The following NBPF15 variants were observed in gnomAD, a reference collection of about 807,000 sequenced individuals.
NBPF15 encodes NBPF family member NBPF15.
NBPF15 carries 74 observed loss-of-function variants against 62.2 expected under a neutral mutation model. The ratio of observed to expected loss-of-function variants is 1.19; its 90% CI spans 0.99 to 1.44. The LOEUF (loss-of-function observed/expected upper bound fraction) is 1.44. Ranked by LOEUF, NBPF15 falls within the 40% of genes most tolerant of loss-of-function variation. NBPF15 has a pLI of 0.00. For missense variants in NBPF15, 790 were observed against 550.0 expected, an observed-to-expected ratio of 1.44 and a Z score of -4.36; for synonymous variants, 244 against 209.7, an observed-to-expected ratio of 1.16 and a Z score of -1.41.
chr1:144,427,937 A>T lies in NBPF15; in HGVS notation c.1094T>A (p.Leu365Gln), dbSNP rs201482101. Residue 365 changes from leucine (L) to glutamine (Q), a missense_variant, in exon 16 of 22, where the codon CTG becomes CAG. Leu to Gln is a moderately radical substitution (Grantham distance 113). Coordinates refer to ENST00000581897, the MANE Select transcript of NBPF15 (RefSeq NM_001385408.1). The stretch of plus-strand genomic sequence containing the variant: ...TGAAGGAGTTGAATAACATCTATCC[A>T]GTGAGTCCTGCAAGACTTCAGGCTC... ...EKEPEVLQDS[L>Q]DRCYSTPSGC... The T allele has an allele frequency of 5.9e-5, 45 of 769,176 alleles. No homozygotes were observed. The highest frequency in any genetic ancestry group is 5.7e-4 in the African/African-American group (33 of 58,238). The allele number at this position is 769,176 out of a possible 1,614,324, so 47.6% of individuals were successfully genotyped here.
In NBPF15 at chr1:144,452,089, T is replaced by C. The variant is rs587682055; in HGVS notation, c.-431-1219A>G. The stretch of plus-strand genomic sequence containing the variant: ...ATCACTTGAACTCAGGAGGTGGAGG[T>C]TGCAGTGAGCTGAGATGGCGCCGTT... On this transcript the variant is annotated intron_variant, in intron 4 of 21. Transcript: ENST00000581897. Among the ~76,000 whole-genome samples, 38 of 151,258 alleles carry C rather than the reference T, an allele frequency of 2.5e-4. 1 individual carries two copies. The highest frequency in any genetic ancestry group is 5.3e-4 in the Non-Finnish European group (36 of 67,840).
At chr1:144,459,249 G>C (rs1650578298) in intron 3 of NBPF15, 117 bp downstream of exon 3, 1 of 152,012 alleles carries the variant, frequency 6.6e-6, no homozygotes, top group African/African-American at 2.4e-5. Flanking sequence ...CCAACACTTT[G>C]GGAGGCCGAG....
At chr1:144,455,401 C>G (rs1255910430) in intron 4 of NBPF15, among the ~76,000 whole-genome samples, 2 of 152,050 alleles carry the variant, frequency 1.3e-5, no homozygotes. Flanking sequence ...TTATTGGAGA[C>G]AGATGCACTA....
At chr1:144,440,091 T>C in intron 7 of NBPF15, 50 bp downstream of exon 7, 1 of 1,578,196 alleles carries the variant, frequency 6.3e-7, no homozygotes, top group Non-Finnish European at 8.7e-7. Context: ...TGAAATCAAA[T>C]AGGTTTAATC....
At chr1:144,453,278 A>T (rs1398859566) in intron 4 of NBPF15, among the ~76,000 whole-genome samples, 1 of 151,564 alleles carries the variant, frequency 6.6e-6, no homozygotes, top group Non-Finnish European at 1.5e-5. Context: ...CAGCTGGACA[A>T]CCACATGCAA....
rs1669493235 is a variant in NBPF15, at chr1:144,426,187, C to A, written c.1438+91G>T. 1.3e-5 allele frequency: 8 copies of A among 639,644 alleles called. No individual in the cohort carries two copies. In the Admixed American group the frequency reaches 1.7e-4, roughly 14 times the overall value. The allele number at this position is 639,644 out of a possible 1,614,324, so 39.6% of individuals were successfully genotyped here. On this transcript the variant is annotated intron_variant, in intron 18 of 21. Transcript: ENST00000581897. ...GGTCCTGCCTGCGGCAATGACATCT[C>A]TCGGGTCAGTAAGGGCCACTTGGAA...
At position 144,438,003 on chromosome 1, in the gene NBPF15, C is replaced by T. The variant is rs782689500; in HGVS notation, c.220G>A (p.Glu74Lys). The change falls in exon 9 of 22, where the codon GAG (glutamate) becomes AAG (lysine). Residue 74 changes from glutamate to lysine, a missense_variant. Physicochemically the swap from Glu to Lys is moderately conservative, Grantham distance 56 (BLOSUM62 1). Coordinates refer to ENST00000581897, the MANE Select transcript of NBPF15 (RefSeq NM_001385408.1). ...AGCTTCTCCTCCTTGAACTGTCGCTCATTCCTCAGCATAAATTTTATGAGA... is the reference window on the plus strand; with the variant it reads ...AGCTTCTCCTCCTTGAACTGTCGCTTATTCCTCAGCATAAATTTTATGAGA... The part of the protein sequence containing the change: ...KDLIKFMLRN[E>K]RQFKEEKLAE... The T allele has an allele frequency of 3.8e-5, 62 of 1,611,574 alleles. No individual in the cohort carries two copies. In the African/African-American group the frequency reaches 7.1e-4, roughly 18 times the overall value.
intron 4 of NBPF15, among the ~76,000 whole-genome samples, chr1:144,453,896 G>A (rs1692812506): frequency 7.5e-6 from 1 of 133,698 alleles, no homozygotes; most frequent in Non-Finnish European, 1.6e-5. Flanking sequence ...CAGTCACTTT[G>A]GACAACTTAA....
intron 21 of NBPF15, among the ~76,000 whole-genome samples, chr1:144,423,467 C>T (rs1571101318): frequency 6.6e-6 from 1 of 151,228 alleles, no homozygotes; most frequent in Non-Finnish European, 1.5e-5. Flanking sequence ...GAGAGAGAGA[C>T]AGAGACAGAG....
chr1:144,455,939 C>A (rs1255797777), intron 4 of NBPF15, among the ~76,000 whole-genome samples: 5 of 152,028 alleles, frequency 3.3e-5, no homozygotes, highest in Admixed American at 6.6e-5. Flanking sequence ...TCCACTGTGG[C>A]CCATAAATTC....
intron 13 of NBPF15, among the ~76,000 whole-genome samples, chr1:144,432,409 G>A (rs1405064750): frequency 7.2e-5 from 11 of 152,046 alleles, no homozygotes; most frequent in South Asian, 2.1e-4. Context: ...ACTAACGGGC[G>A]AAATAACCAG....
At position 144,422,616 on chromosome 1, in the gene NBPF15, A is replaced by C. The variant is rs1666539097; in HGVS notation, c.*397T>G. ...CACTGAAGACACAAAGAATGAGGTT[A>C]GGTTCATTGAAACCAGGGTAACACC... On this transcript the variant is annotated 3_prime_UTR_variant, in exon 22 of 22. Transcript: ENST00000581897. 1 of 310,402 alleles carries C rather than the reference A, an allele frequency of 3.2e-6. No individual in the cohort carries two copies. The highest frequency in any genetic ancestry group is 5.2e-5 in the Admixed American group (1 of 19,282). 19.2% of individuals were successfully genotyped at this position (310,402 alleles called of 1,614,324 possible).
intron 6 of NBPF15, among the ~76,000 whole-genome samples, chr1:144,444,581 G>A (rs1443662597): frequency 6.6e-6 from 1 of 151,790 alleles, no homozygotes; most frequent in Non-Finnish European, 1.5e-5. Context: ...TCCAGAGGAA[G>A]GTCTTCAGGA....
chr1:144,441,084 T>C (rs1682595298), intron 6 of NBPF15, among the ~76,000 whole-genome samples: 2 of 152,048 alleles, frequency 1.3e-5, no homozygotes, highest in South Asian at 4.2e-4. Context: ...TATCACACAA[T>C]TTGATATCCA....
At chr1:144,453,840 G>C (rs1477936029) in intron 4 of NBPF15, among the ~76,000 whole-genome samples, 1 of 136,278 alleles carries the variant, frequency 7.3e-6, no homozygotes, top group African/African-American at 2.9e-5. Context: ...TGTCAAAGAT[G>C]AGGAACAACC....
At chr1:144,442,073 T>A (rs1205556177) in intron 6 of NBPF15, among the ~76,000 whole-genome samples, 1 of 135,826 alleles carries the variant, frequency 7.4e-6, no homozygotes, top group Non-Finnish European at 1.6e-5. Flanking sequence ...GACGAGTTAA[T>A]GGGTGCAGCA....
intron 9 of NBPF15, among the ~76,000 whole-genome samples, chr1:144,437,562 T>C (rs1388714450): frequency 5.9e-4 from 89 of 151,028 alleles, no homozygotes; most frequent in African/African-American, 2.0e-3. Context: ...GCAACATTGA[T>C]TGAGTGAAAG....
At chr1:144,432,480 G>A (rs1219635276) in intron 13 of NBPF15, among the ~76,000 whole-genome samples, 1 of 151,908 alleles carries the variant, frequency 6.6e-6, no homozygotes, top group African/African-American at 2.4e-5. Flanking sequence ...AATGTAAATG[G>A]GCTAAATGCC....
At chr1:144,431,017 G>C (rs1408572330) in intron 13 of NBPF15, among the ~76,000 whole-genome samples, 5 of 151,588 alleles carry the variant, frequency 3.3e-5, no homozygotes, top group African/African-American at 1.2e-4. Context: ...GAGAAGAGAA[G>C]TTTAGAGAAA....
Sources: allele counts gnomAD v4.1 joint callset (sites outside exome capture counted in the v4.1 genomes callset), GRCh38; gene constraint gnomAD v4.1.1; transcripts MANE v1.5; gene names NCBI Gene and HGNC (gene_info 2026-07-23, HGNC 2026-07-21).